The following CNTLN variants were observed in gnomAD, a reference collection of about 807,000 sequenced individuals.
The protein encoded by CNTLN is centlein.
In CNTLN, 212 loss-of-function variants were observed where a neutral mutation model predicts 180.0. The observed-to-expected ratio is 1.18, with a 90% CI of 1.05 to 1.32. CNTLN has a LOEUF of 1.32. Ranked by LOEUF, CNTLN falls within the 40% of genes most tolerant of loss-of-function variation. The pLI, the probability that CNTLN is intolerant of heterozygous loss-of-function variation, is 0.00. For missense variants in CNTLN, 2,095 were observed against 1,610.9 expected, an observed-to-expected ratio of 1.30 and a Z score of -5.14; for synonymous variants, 722 against 563.1, an observed-to-expected ratio of 1.28 and a Z score of -3.99.
rs1353272863 is a variant in CNTLN, at chr9:17,484,432, C to T, written c.3993C>T (p.Asn1331=). The change falls in exon 24 of 26, where the codon AAC becomes AAT. Residue 1331 remains asparagine (N), a synonymous_variant. Coordinates refer to ENST00000380647, the MANE Select transcript of CNTLN (RefSeq NM_017738.4). ...KAQTLAASIL[N]ISRSDLEEIL... is the part of the protein sequence containing the mutation. ...AGACCTTGGCAGCTTCTATCCTGAA[C>T]ATTTCACGGTCAGATTTAGAGGAAA... The T allele has an allele frequency of 8.7e-6, 14 of 1,607,532 alleles. No homozygotes were observed. Among genetic ancestry groups the T allele is most frequent in the Non-Finnish European group, 1.0e-5 (12 of 1,178,480 alleles).
At chr9:17,317,941 T>TAGAAGCC (rs1277486957) in intron 8 of CNTLN, among the ~76,000 whole-genome samples, 1 of 152,124 alleles carries the variant, frequency 6.6e-6, no homozygotes, top group Non-Finnish European at 1.5e-5. Context: ...GCCGTTGGTG[T>TAGAAGCC]GTTTTTTGTA....
intron 2 of CNTLN, among the ~76,000 whole-genome samples, chr9:17,201,502 T>C (rs1013217664): frequency 6.6e-6 from 1 of 152,190 alleles, no homozygotes; most frequent in Non-Finnish European, 1.5e-5. Flanking sequence ...AATTGCTGCC[T>C]CAATTGCAGA....
At chr9:17,386,640 ACGT>A (rs202216491) in intron 13 of CNTLN, among the ~76,000 whole-genome samples, 3,008 of 152,272 alleles carry the variant, frequency 0.02, 96 homozygotes, top group African/African-American at 0.068. Flanking sequence ...GGAGAAACAA[ACGT>A]CAGCAGATAA....
At chr9:17,325,478 A>G (rs969690332) in intron 8 of CNTLN, among the ~76,000 whole-genome samples, 4 of 150,548 alleles carry the variant, frequency 2.7e-5, no homozygotes, top group Non-Finnish European at 5.9e-5. Flanking sequence ...TTTTCAGAGA[A>G]CCGTCATTCA....
At chr9:17,206,978 C>T (rs563833193) in intron 2 of CNTLN, among the ~76,000 whole-genome samples, 9 of 152,322 alleles carry the variant, frequency 5.9e-5, no homozygotes, top group Admixed American at 1.3e-4. Context: ...TCATGAGACC[C>T]CTCCTTGTCT....
At chr9:17,376,791 G>C (rs1006128812) in intron 13 of CNTLN, among the ~76,000 whole-genome samples, 4 of 152,058 alleles carry the variant, frequency 2.6e-5, no homozygotes, top group Non-Finnish European at 5.9e-5. Flanking sequence ...AAGGCTAGAT[G>C]GGTAGACTAA....
At chr9:17,188,033 C>T (rs1821544922) in intron 2 of CNTLN, among the ~76,000 whole-genome samples, 3 of 141,230 alleles carry the variant, frequency 2.1e-5, no homozygotes, top group African/African-American at 2.7e-5. Flanking sequence ...TATATATATA[C>T]ACAGCATATT....
chr9:17,357,372 T>C (rs1013166584), intron 12 of CNTLN, among the ~76,000 whole-genome samples: 1 of 151,842 alleles, frequency 6.6e-6, no homozygotes, highest in African/African-American at 2.4e-5. Flanking sequence ...GATATATCAC[T>C]TGAGTAAATG....
At chr9:17,239,060 CAG>C (rs1825328367) in intron 5 of CNTLN, among the ~76,000 whole-genome samples, 1 of 152,192 alleles carries the variant, frequency 6.6e-6, no homozygotes, top group Non-Finnish European at 1.5e-5. Context: ...TTGTTTGAGA[CAG>C]AGTCTTGCTC....
At chr9:17,499,218 G>A (rs1833616149) in intron 25 of CNTLN, among the ~76,000 whole-genome samples, 2 of 152,180 alleles carry the variant, frequency 1.3e-5, no homozygotes, top group Non-Finnish European at 2.9e-5. Flanking sequence ...GAGAATTGAT[G>A]TTCATGTGGT....
intron 5 of CNTLN, among the ~76,000 whole-genome samples, chr9:17,265,323 G>C (rs11560448): frequency 1.3e-5 from 2 of 151,824 alleles, no homozygotes; most frequent in African/African-American, 4.8e-5. Context: ...CTTTAGTTCT[G>C]TTTATATGCT....
chr9:17,404,111 T>C (rs558905558), intron 15 of CNTLN, among the ~76,000 whole-genome samples: 2 of 151,848 alleles, frequency 1.3e-5, no homozygotes, highest in South Asian at 2.1e-4. Flanking sequence ...TATATGACAA[T>C]GCTCTGTGTC....
At position 17,298,455 on chromosome 9, in the gene CNTLN, C is replaced by T. The variant is rs1818109246; in HGVS notation, c.1146+103C>T. 3.7e-6 allele frequency: 5 copies of T among 1,345,760 alleles called. No individual in the cohort carries two copies. The Admixed American group carries it at 1.8e-4, about 48-fold the overall frequency. The allele number at this position is 1,345,760 out of a possible 1,614,324, so 83.4% of individuals were successfully genotyped here. On this transcript the variant is annotated intron_variant, in intron 7 of 25. Coordinates refer to ENST00000380647, the MANE Select transcript of CNTLN (RefSeq NM_017738.4). ...AAATTTCAGCATTTAATTTTTACTT[C>T]CTTTTACATGTGTTTCCTCAAAATT...
intron 8 of CNTLN, among the ~76,000 whole-genome samples, chr9:17,312,049 G>T (rs77825549): frequency 3.9e-5 from 6 of 152,040 alleles, no homozygotes; most frequent in African/African-American, 1.4e-4. Context: ...TAGCTTTATA[G>T]TAACTTTTGA....
At chr9:17,319,129 C>T (rs1378601902) in intron 8 of CNTLN, among the ~76,000 whole-genome samples, 1 of 152,138 alleles carries the variant, frequency 6.6e-6, no homozygotes, top group Non-Finnish European at 1.5e-5. Flanking sequence ...GAGAAAACAA[C>T]GTATGTCATT....
chr9:17,245,240 A>G (rs1825730167), intron 5 of CNTLN, among the ~76,000 whole-genome samples: 1 of 151,608 alleles, frequency 6.6e-6, no homozygotes, highest in African/African-American at 2.4e-5. Flanking sequence ...CAGATTTGGT[A>G]TTGATGTAAT....
intron 4 of CNTLN, among the ~76,000 whole-genome samples, 165 bp from the exon 5 acceptor site, chr9:17,236,244 A>G (rs1825133001): frequency 6.6e-6 from 1 of 152,188 alleles, no homozygotes; most frequent in African/African-American, 2.4e-5. Flanking sequence ...CCTGCATGAA[A>G]AGAGGCCAAT....
At chr9:17,330,965 G>A (rs770837817) in intron 9 of CNTLN, among the ~76,000 whole-genome samples, 157 bp downstream of exon 9, 1 of 151,948 alleles carries the variant, frequency 6.6e-6, no homozygotes, top group African/African-American at 2.4e-5. Flanking sequence ...TAAGTTTTAG[G>A]AGTAAGGAGT....
intron 12 of CNTLN, among the ~76,000 whole-genome samples, chr9:17,353,314 T>C (rs1822532164): frequency 6.8e-6 from 1 of 146,006 alleles, no homozygotes; most frequent in Non-Finnish European, 1.5e-5. Context: ...TTACAGTGGC[T>C]GCACAATTTT....
Sources: allele counts gnomAD v4.1 joint callset (sites outside exome capture counted in the v4.1 genomes callset), GRCh38; gene constraint gnomAD v4.1.1; transcripts MANE v1.5; gene names NCBI Gene and HGNC (gene_info 2026-07-23, HGNC 2026-07-21).